DLG2: variants seen among roughly 807,000 people sequenced by gnomAD.
DLG2 encodes disks large homolog 2.
In DLG2, 45 loss-of-function variants were observed where a neutral mutation model predicts 132.5. That is an observed-to-expected ratio of 0.34 (90% CI 0.27 to 0.44). The LOEUF (loss-of-function observed/expected upper bound fraction) is 0.44, where lower values mean the gene tolerates loss of function less well. Ranked by LOEUF, DLG2 falls within the 20% of genes least tolerant of loss-of-function variation. The pLI is 1.00. For synonymous variants in DLG2, 424 were observed against 419.6 expected, an observed-to-expected ratio of 1.01 and a Z score of -0.13; for missense variants, 1,045 against 1,196.9, an observed-to-expected ratio of 0.87 and a Z score of 1.87.
At chr11:85,229,919 A>T (rs1423978695) in intron 4 of DLG2, among the ~76,000 whole-genome samples, 2 of 152,204 alleles carry the variant, frequency 1.3e-5, no homozygotes, top group East Asian at 3.9e-4. Flanking sequence ...GTTTGGTGGG[A>T]GTTGAACAAT....
intron 6 of DLG2, among the ~76,000 whole-genome samples, chr11:84,847,506 G>C (rs930648839): frequency 6.6e-6 from 1 of 152,112 alleles, no homozygotes; most frequent in Non-Finnish European, 1.5e-5. Context: ...TGAAGGAACT[G>C]TCCAGTTTTC....
At chr11:84,765,621 C>A (rs1279187468) in intron 6 of DLG2, among the ~76,000 whole-genome samples, 1 of 151,992 alleles carries the variant, frequency 6.6e-6, no homozygotes, top group African/African-American at 2.4e-5. Flanking sequence ...TATACAACTT[C>A]CTTGCTGTTA....
intron 11 of DLG2, among the ~76,000 whole-genome samples, chr11:84,038,368 A>G (rs1268800355): frequency 1.3e-5 from 2 of 152,086 alleles, no homozygotes; most frequent in Non-Finnish European, 2.9e-5. Flanking sequence ...AATTAGACAT[A>G]CATGCAGCCA....
At chr11:83,554,738 G>A (rs751028808) in intron 19 of DLG2, among the ~76,000 whole-genome samples, 1 of 152,184 alleles carries the variant, frequency 6.6e-6, no homozygotes, top group Non-Finnish European at 1.5e-5. Context: ...ACTGGGCAAT[G>A]GGCCTTGCTC....
intron 7 of DLG2, among the ~76,000 whole-genome samples, chr11:84,514,402 G>A (rs1343035518): frequency 6.6e-6 from 1 of 152,018 alleles, no homozygotes; most frequent in Non-Finnish European, 1.5e-5. Context: ...CCATATTGTT[G>A]CAGCACTGTT....
At chr11:83,844,479 C>T (rs1201104339) in intron 16 of DLG2, among the ~76,000 whole-genome samples, 8 of 126,458 alleles carry the variant, frequency 6.3e-5, no homozygotes, top group South Asian at 2.8e-4. Context: ...ACCTGGGAGG[C>T]GGAAGTTGCA....
intron 9 of DLG2, among the ~76,000 whole-genome samples, chr11:84,114,014 C>T (rs550479665): frequency 1.4e-4 from 21 of 152,030 alleles, no homozygotes; most frequent in African/African-American, 4.6e-4. Flanking sequence ...TTAAGCCAGA[C>T]ATTAAAAAGA....
intron 3 of DLG2, among the ~76,000 whole-genome samples, chr11:85,564,833 G>T (rs188766604): frequency 1.3e-5 from 2 of 152,020 alleles, no homozygotes; most frequent in East Asian, 3.9e-4. Flanking sequence ...AATTTGGGGA[G>T]AACTAGCATC....
chr11:85,600,389 T>G (rs1339096480), intron 2 of DLG2, among the ~76,000 whole-genome samples: 1 of 152,200 alleles, frequency 6.6e-6, no homozygotes, highest in East Asian at 1.9e-4. Flanking sequence ...AAACACTTTT[T>G]TCACTAGGCT....
intron 6 of DLG2, among the ~76,000 whole-genome samples, chr11:85,015,549 C>T (rs934441886): frequency 4.6e-5 from 7 of 151,964 alleles, no homozygotes; most frequent in Non-Finnish European, 8.8e-5. Flanking sequence ...AATTACTTCA[C>T]CTTAAAATAT....
intron 4 of DLG2, among the ~76,000 whole-genome samples, chr11:85,213,833 T>C (rs1255586772): frequency 6.6e-6 from 1 of 152,080 alleles, no homozygotes; most frequent in Non-Finnish European, 1.5e-5. Flanking sequence ...TAGAATTGTA[T>C]TGGTTTACAA....
chr11:84,418,761 T>C (rs1186114899), intron 7 of DLG2, among the ~76,000 whole-genome samples: 7 of 152,200 alleles, frequency 4.6e-5, no homozygotes, highest in Non-Finnish European at 8.8e-5. Context: ...CTAGAATAAA[T>C]ACGCTTAGGT....
At position 84,025,624 on chromosome 11, in the gene DLG2, A is replaced by C. The variant is rs184120678; in HGVS notation, c.919+33691T>G. Among the ~76,000 whole-genome samples, 15 of 152,308 alleles carry C rather than the reference A, an allele frequency of 9.8e-5. 1 individual carries two copies. The highest frequency in any genetic ancestry group is 3.6e-4 in the African/African-American group (15 of 41,578). On this transcript the variant is annotated intron_variant, in intron 11 of 27. Coordinates refer to ENST00000376104, the MANE Select transcript of DLG2 (RefSeq NM_001142699.3). ...TTGTGAATATTCTTCTAGAAACATGAATGGAAACCTTTTTCTCCAGTCACA... is the reference window on the plus strand; with the variant it reads ...TTGTGAATATTCTTCTAGAAACATGCATGGAAACCTTTTTCTCCAGTCACA...
rs78922978 is a variant in DLG2, at chr11:84,984,839, C to T, written c.357+126822G>A. ...CAAAAGCGGGCAGGAGTAGCTAGTC[C>T]TACATCAGACAAAACAAAATTTAAA... On this transcript the variant is annotated intron_variant, in intron 6 of 27. Coordinates refer to ENST00000376104, the MANE Select transcript of DLG2 (RefSeq NM_001142699.3). Among the ~76,000 whole-genome samples, 1,210 of 152,116 alleles carry T rather than the reference C, an allele frequency of 8.0e-3. 11 individuals carry two copies. The highest frequency in any genetic ancestry group is 0.015 in the East Asian group (80 of 5,174).
chr11:84,165,624 G>A (rs1254275681), intron 8 of DLG2, among the ~76,000 whole-genome samples: 1 of 152,012 alleles, frequency 6.6e-6, no homozygotes, highest in African/African-American at 2.4e-5. Flanking sequence ...AAGCATCCCG[G>A]CTGGGTGGTT....
At chr11:85,447,101 T>C (rs1380557002) in intron 3 of DLG2, among the ~76,000 whole-genome samples, 1 of 152,212 alleles carries the variant, frequency 6.6e-6, no homozygotes, top group African/African-American at 2.4e-5. Context: ...ACAGAAGTTC[T>C]AATCTGCCAT....
chr11:85,331,542 A>T (rs528263042), intron 3 of DLG2, among the ~76,000 whole-genome samples: 3 of 152,224 alleles, frequency 2.0e-5, no homozygotes, highest in African/African-American at 7.2e-5. Flanking sequence ...ACTGGGATTT[A>T]GTGTACAAAT....
At chr11:84,893,352 C>T (rs1435543392) in intron 6 of DLG2, among the ~76,000 whole-genome samples, 1 of 152,182 alleles carries the variant, frequency 6.6e-6, no homozygotes, top group Non-Finnish European at 1.5e-5. Flanking sequence ...TGGACCATCT[C>T]TGCGGGTGTG....
At chr11:83,658,778 G>A (rs2073448155) in intron 18 of DLG2, among the ~76,000 whole-genome samples, 1 of 152,202 alleles carries the variant, frequency 6.6e-6, no homozygotes, top group Non-Finnish European at 1.5e-5. Context: ...CCTTAAAGAA[G>A]TTTACCACTT....
Sources: allele counts gnomAD v4.1 joint callset (sites outside exome capture counted in the v4.1 genomes callset), GRCh38; gene constraint gnomAD v4.1.1; transcripts MANE v1.5; gene names NCBI Gene and HGNC (gene_info 2026-07-23, HGNC 2026-07-21).